FILIP1L: variants seen among roughly 807,000 people sequenced by gnomAD.
The protein encoded by FILIP1L is filamin A interacting protein 1 like.
A neutral mutation model predicts 96.6 loss-of-function variants in FILIP1L; 55 were observed. That is an observed-to-expected ratio of 0.57 (90% CI 0.46 to 0.71). FILIP1L has a LOEUF of 0.71. Ranked by LOEUF, FILIP1L falls within the 30% of genes least tolerant of loss-of-function variation. The pLI is 0.00. For missense variants in FILIP1L, 1,304 were observed against 1,321.2 expected, an observed-to-expected ratio of 0.99 and a Z score of 0.20; for synonymous variants, 467 against 473.9, an observed-to-expected ratio of 0.99 and a Z score of 0.19.
chr3:100,034,847 A>G (rs2065080132), intron 1 of FILIP1L, among the ~76,000 whole-genome samples: 7 of 152,220 alleles, frequency 4.6e-5, no homozygotes, highest in Admixed American at 4.6e-4. Context: ...AACGGTATAT[A>G]CATACGAATA....
At chr3:99,921,346 C>G (rs1022689214) in intron 4 of FILIP1L, among the ~76,000 whole-genome samples, 2 of 152,298 alleles carry the variant, frequency 1.3e-5, no homozygotes, top group East Asian at 1.9e-4. Flanking sequence ...TTTAATACTA[C>G]TTTGATGCAC....
chr3:100,023,175 T>C (rs1225042744), intron 1 of FILIP1L: 1 of 152,196 alleles, frequency 6.6e-6, no homozygotes, highest in Non-Finnish European at 1.5e-5. Flanking sequence ...GGTGGCTGGG[T>C]GTAGATGGAC....
intron 1 of FILIP1L, among the ~76,000 whole-genome samples, chr3:99,983,434 A>T (rs1278593994): frequency 1.5e-5 from 1 of 67,820 alleles, no homozygotes; most frequent in South Asian, 4.6e-4. Flanking sequence ...GTATGTATGT[A>T]TATATATGTA....
chr3:100,008,139 T>C (rs1345845570), intron 1 of FILIP1L, among the ~76,000 whole-genome samples: 1 of 152,160 alleles, frequency 6.6e-6, no homozygotes, highest in East Asian at 1.9e-4. Flanking sequence ...AGACATTCTC[T>C]TTTCTCACAT....
At chr3:99,991,515 C>G (rs1161425209) in intron 1 of FILIP1L, among the ~76,000 whole-genome samples, 1 of 151,934 alleles carries the variant, frequency 6.6e-6, no homozygotes, top group Non-Finnish European at 1.5e-5. Context: ...TATATTGCAT[C>G]ATGGTCAAGT....
chr3:99,854,797 A>T (rs1159029092), intron 4 of FILIP1L, among the ~76,000 whole-genome samples: 1 of 152,198 alleles, frequency 6.6e-6, no homozygotes, highest in Non-Finnish European at 1.5e-5. Flanking sequence ...TGCTTTACTC[A>T]GCTTTAATTA....
intron 3 of FILIP1L, among the ~76,000 whole-genome samples, chr3:99,929,618 C>T (rs1707411036): frequency 6.6e-6 from 1 of 151,992 alleles, no homozygotes; most frequent in Admixed American, 6.6e-5. Context: ...GGGGAGCATT[C>T]TCTGGCATTT....
At chr3:100,073,301 G>C (rs2065792598) in intron 1 of FILIP1L, among the ~76,000 whole-genome samples, 1 of 152,168 alleles carries the variant, frequency 6.6e-6, no homozygotes, top group Non-Finnish European at 1.5e-5. Flanking sequence ...GAGTTCTTGT[G>C]ATAGAGATTG....
chr3:100,113,450 A>G (rs2066523810), intron 1 of FILIP1L, among the ~76,000 whole-genome samples: 1 of 152,248 alleles, frequency 6.6e-6, no homozygotes, highest in African/African-American at 2.4e-5. Flanking sequence ...CAAAAACCTT[A>G]TCTCAGAAAC....
intron 1 of FILIP1L, among the ~76,000 whole-genome samples, chr3:99,968,566 T>G (rs768629369): frequency 1.3e-5 from 2 of 152,018 alleles, no homozygotes; most frequent in Admixed American, 6.6e-5. Context: ...ATATCAGTGG[T>G]GTTTAAAATC....
intron 1 of FILIP1L, among the ~76,000 whole-genome samples, chr3:99,986,581 C>T (rs1256653536): frequency 6.6e-6 from 1 of 151,922 alleles, no homozygotes; most frequent in Non-Finnish European, 1.5e-5. Flanking sequence ...AATTAAGATA[C>T]TTGTTTGTCA....
At chr3:99,876,118 T>G in intron 4 of FILIP1L, 1 of 986,050 alleles carries the variant, frequency 1.0e-6, no homozygotes, top group Non-Finnish European at 1.2e-6. Flanking sequence ...CCGGGGCCGC[T>G]GTAGTGCCGC....
At chr3:99,858,127 T>C (rs1043743433) in intron 4 of FILIP1L, among the ~76,000 whole-genome samples, 2 of 152,164 alleles carry the variant, frequency 1.3e-5, no homozygotes, top group South Asian at 4.1e-4. Context: ...GTATGGGCTG[T>C]ATCTATCTCT....
At chr3:99,986,370 G>A (rs185838905) in intron 1 of FILIP1L, among the ~76,000 whole-genome samples, 43 of 152,230 alleles carry the variant, frequency 2.8e-4, no homozygotes, top group Admixed American at 7.2e-4. Context: ...AGAATAGTAT[G>A]TGTGCTTCAG....
chr3:99,927,731 T>A lies in FILIP1L; in HGVS notation c.426+2125A>T, dbSNP rs184546932. On this transcript the variant is annotated intron_variant, in intron 3 of 5. Coordinates refer to ENST00000477258, the MANE Select transcript of FILIP1L (RefSeq NM_001387850.1). Reference sequence around the variant, plus strand: ...ATACCTTAGGCTATTAATTTTTTTTTAAAATTAAGTTCTGATATAGAACCC... The same window carrying A: ...ATACCTTAGGCTATTAATTTTTTTTAAAAATTAAGTTCTGATATAGAACCC... Among the ~76,000 whole-genome samples the A allele has an allele frequency of 6.8e-3, 1,042 of 152,214 alleles. 10 individuals are homozygous for A. The highest frequency in any genetic ancestry group is 0.02 in the Middle Eastern group (6 of 294).
intron 1 of FILIP1L, among the ~76,000 whole-genome samples, chr3:100,054,853 A>T (rs1219031019): frequency 1.3e-5 from 2 of 152,116 alleles, no homozygotes; most frequent in Non-Finnish European, 2.9e-5. Context: ...AGATGCAAAA[A>T]CTGAAATGTT....
chr3:100,102,197 C>G (rs1011080180), intron 1 of FILIP1L, among the ~76,000 whole-genome samples: 1 of 152,170 alleles, frequency 6.6e-6, no homozygotes. Flanking sequence ...AATCACCACA[C>G]CGACTTCCAC....
chr3:99,868,439 G>C (rs1944626790), intron 4 of FILIP1L, among the ~76,000 whole-genome samples: 1 of 152,156 alleles, frequency 6.6e-6, no homozygotes, highest in Non-Finnish European at 1.5e-5. Flanking sequence ...TGTCAGCCCA[G>C]CAGCACCAGA....
chr3:99,890,239 A>G (rs1003733322), intron 4 of FILIP1L, among the ~76,000 whole-genome samples: 10 of 152,074 alleles, frequency 6.6e-5, no homozygotes, highest in Admixed American at 2.0e-4. Context: ...AAAATCATCT[A>G]TCTAATTGTC....
Sources: allele counts gnomAD v4.1 joint callset (sites outside exome capture counted in the v4.1 genomes callset), GRCh38; gene constraint gnomAD v4.1.1; transcripts MANE v1.5; gene names NCBI Gene and HGNC (gene_info 2026-07-23, HGNC 2026-07-21).